The following PRDM16 variants were observed in gnomAD, a reference collection of about 807,000 sequenced individuals.
PRDM16 encodes the protein histone-lysine N-methyltransferase PRDM16.
A neutral mutation model predicts 110.6 loss-of-function variants in PRDM16; 23 were observed. That is an observed-to-expected ratio of 0.21 (90% CI 0.15 to 0.29). The LOEUF (loss-of-function observed/expected upper bound fraction) is 0.29, where lower values mean the gene tolerates loss of function less well. Ranked by LOEUF, PRDM16 falls within the 10% of genes least tolerant of loss-of-function variation. PRDM16 has a pLI of 1.00. For missense variants in PRDM16, 1,615 were observed against 1,794.3 expected (o/e 0.90, Z 1.81); for synonymous variants, 799 against 781.8 (o/e 1.02, Z -0.37).
chr1:3,393,558 G>C (rs979109638), intron 4 of PRDM16, among the ~76,000 whole-genome samples: 1 of 152,188 alleles, frequency 6.6e-6, no homozygotes, highest in Non-Finnish European at 1.5e-5. Flanking sequence ...TGACGCTCTC[G>C]AGCCAGGAGC....
At chr1:3,138,468 C>G (rs1299949054) in intron 1 of PRDM16, among the ~76,000 whole-genome samples, 2 of 152,202 alleles carry the variant, frequency 1.3e-5, no homozygotes, top group Non-Finnish European at 2.9e-5. Context: ...CGTCCAGTCT[C>G]TGAGGTTTCA....
chr1:3,299,814 G>A (rs1458921219), intron 3 of PRDM16, among the ~76,000 whole-genome samples: 5 of 71,020 alleles, frequency 7.0e-5, no homozygotes, highest in African/African-American at 1.8e-4. Flanking sequence ...CAGTCGTGGT[G>A]ACTCTGCCCT....
At chr1:3,073,785 C>G (rs1031397531) in intron 1 of PRDM16, among the ~76,000 whole-genome samples, 2 of 152,172 alleles carry the variant, frequency 1.3e-5, no homozygotes, top group Admixed American at 1.3e-4. Flanking sequence ...CCTGGCGCCC[C>G]GACCCTGGCC....
chr1:3,334,627 G>A (rs1330195659), intron 3 of PRDM16, among the ~76,000 whole-genome samples: 1 of 151,824 alleles, frequency 6.6e-6, no homozygotes, highest in Non-Finnish European at 1.5e-5. Flanking sequence ...CCCAGTGGAG[G>A]AGACCAGCCC....
chr1:3,296,581 G>C (rs1557588953), intron 3 of PRDM16, among the ~76,000 whole-genome samples: 1 of 152,262 alleles, frequency 6.6e-6, no homozygotes, highest in Non-Finnish European at 1.5e-5. Flanking sequence ...CTTCCAACAG[G>C]GGGACCTGGC....
Position 3,329,798 on chromosome 1 carries a change from C to A in PRDM16, c.439-55354C>A, listed in dbSNP as rs968746403. ...AGAGAGGGGCACGCCTGGGAGAGGCCCCCACTGCCACCCACTGGTTATGGT... is the reference window on the plus strand; with the variant it reads ...AGAGAGGGGCACGCCTGGGAGAGGCACCCACTGCCACCCACTGGTTATGGT... On this transcript the variant is annotated intron_variant, in intron 3 of 16. Transcript: ENST00000270722. Among the ~76,000 whole-genome samples, 12 of 152,234 alleles carry A rather than the reference C, an allele frequency of 7.9e-5. 1 individual carries two copies. Among genetic ancestry groups the A allele is most frequent in the Admixed American group, 7.2e-4 (11 of 15,292 alleles).
At chr1:3,236,083 C>A (rs182816217) in intron 2 of PRDM16, among the ~76,000 whole-genome samples, 2 of 152,190 alleles carry the variant, frequency 1.3e-5, no homozygotes, top group African/African-American at 4.8e-5. Flanking sequence ...GGCATCCCTG[C>A]AGGCGCCACC....
At chr1:3,310,076 C>T (rs535672221) in intron 3 of PRDM16, 1 of 152,342 alleles carries the variant, frequency 6.6e-6, no homozygotes, top group Admixed American at 6.5e-5. Context: ...ATCTTTTTCC[C>T]CAGTAGAATC....
intron 1 of PRDM16, among the ~76,000 whole-genome samples, chr1:3,114,661 CACAA>C (rs1387708450): frequency 6.6e-6 from 1 of 152,200 alleles, no homozygotes; most frequent in Non-Finnish European, 1.5e-5. Context: ...CACGTGCACA[CACAA>C]ACACACATGC....
intron 3 of PRDM16, among the ~76,000 whole-genome samples, chr1:3,271,958 C>T (rs956826026): frequency 1.3e-5 from 2 of 152,226 alleles, no homozygotes; most frequent in Non-Finnish European, 2.9e-5. Context: ...ACACATTGCC[C>T]TGGGACACAC....
chr1:3,163,415 A>G (rs905209690), intron 1 of PRDM16, among the ~76,000 whole-genome samples: 1 of 152,200 alleles, frequency 6.6e-6, no homozygotes, highest in Non-Finnish European at 1.5e-5. Flanking sequence ...ACAGATCTCC[A>G]AGGCGTGCAC....
intron 3 of PRDM16, among the ~76,000 whole-genome samples, chr1:3,257,789 A>G (rs1185653483): frequency 1.3e-5 from 2 of 152,208 alleles, no homozygotes; most frequent in Admixed American, 6.5e-5. Flanking sequence ...CCAACCACAC[A>G]TCGGAGCCCG....
chr1:3,107,691 T>TGG (rs1376449027), intron 1 of PRDM16, among the ~76,000 whole-genome samples: 144 of 152,328 alleles, frequency 9.5e-4, no homozygotes, highest in African/African-American at 3.3e-3. Flanking sequence ...TCCTCCTCAC[T>TGG]GGACCAGTGA....
At chr1:3,195,938 C>G (rs1638462492) in intron 2 of PRDM16, among the ~76,000 whole-genome samples, 1 of 152,204 alleles carries the variant, frequency 6.6e-6, no homozygotes, top group African/African-American at 2.4e-5. Flanking sequence ...CTCTGTGAGG[C>G]TCTGTCTACA....
chr1:3,412,024 CACCACGGGGACCGACCTGGACACG>C lies in PRDM16; in HGVS notation c.1839_1862del (p.Asp614_Thr621del), dbSNP rs748587974. 52 of 1,613,364 alleles carry C rather than the reference CACCACGGGGACCGACCTGGACACG, an allele frequency of 3.2e-5. No individual in the cohort carries two copies. Among genetic ancestry groups the C allele is most frequent in the Non-Finnish European group, 4.2e-5 (49 of 1,179,920 alleles). On this transcript the variant is annotated inframe_deletion, in exon 9 of 17. Transcript: ENST00000270722. ...GCAGTGACTTTGAGGACGTCAACAC[CACCACGGGGACCGACCTGGACACG>C]ACCACGGGGACGGGCTCGGACCTGG...
At chr1:3,106,839 A>C (rs1274172727) in intron 1 of PRDM16, among the ~76,000 whole-genome samples, 1 of 152,138 alleles carries the variant, frequency 6.6e-6, no homozygotes, top group African/African-American at 2.4e-5. Context: ...CATAGGGCTG[A>C]TAGTGCTGGC....
chr1:3,070,704 C>A (rs2742690), intron 1 of PRDM16, among the ~76,000 whole-genome samples: 19,381 of 152,160 alleles, frequency 0.13, 1,658 homozygotes, highest in Non-Finnish European at 0.2. Context: ...GGACTCGCGG[C>A]GGTTTTCCGA....
chr1:3,069,317 C>T lies in PRDM16; in HGVS notation c.37+21C>T, dbSNP rs773758146. The stretch of plus-strand genomic sequence containing the variant: ...CAAAAGTAAGTCTCCCGCGCTCGGC[C>T]GCGCCGCGCCGCCGGGGCCCGGGCC... On this transcript the variant is annotated intron_variant, in intron 1 of 16. Transcript: ENST00000270722. This position sits in a 1 kb window ranked among gnomAD's most constrained non-coding sequence, Gnocchi z 6.1. The T allele has an allele frequency of 1.3e-5, 17 of 1,299,154 alleles. No homozygotes were observed. The highest frequency in any genetic ancestry group is 1.5e-5 in the Non-Finnish European group (15 of 999,942). 80.5% of individuals were successfully genotyped at this position (1,299,154 alleles called of 1,614,324 possible).
chr1:3,415,673 C>T lies in PRDM16; in HGVS notation c.2691+1026C>T, dbSNP rs951092637. Among the ~76,000 whole-genome samples the T allele has an allele frequency of 3.3e-5, 5 of 152,338 alleles. 1 individual carries two copies. In the South Asian group the frequency reaches 1.0e-3, roughly 32 times the overall value. On this transcript the variant is annotated intron_variant, in intron 10 of 16. Transcript: ENST00000270722. ...CGGAGCAAGCCGGGCGGGAGAGGCC[C>T]ACCCAGGCCCGAGGAAGGGAGCCCA... is the stretch of plus-strand genomic sequence containing the variant.
Sources: allele counts gnomAD v4.1 joint callset (sites outside exome capture counted in the v4.1 genomes callset), GRCh38; gene constraint gnomAD v4.1.1; non-coding constraint Gnocchi (gnomAD v3.1); transcripts MANE v1.5; gene names NCBI Gene and HGNC (gene_info 2026-07-23, HGNC 2026-07-21).